The following GLDN variants were observed in gnomAD, a reference collection of about 807,000 sequenced individuals.
The protein encoded by GLDN is collomin.
GLDN carries 47 observed loss-of-function variants against 56.5 expected under a neutral mutation model. That is an observed-to-expected ratio of 0.83 (90% CI 0.66 to 1.06). The LOEUF is 1.06. Among genes scored for constraint, GLDN ranks in the 50% least tolerant of loss-of-function variants. The pLI is 0.00. For synonymous variants in GLDN, 332 were observed against 278.8 expected (o/e 1.19, Z -1.90); for missense variants, 782 against 714.3 (o/e 1.09, Z -1.08).
intron 1 of GLDN, among the ~76,000 whole-genome samples, chr15:51,347,835 C>T (rs1025353032): frequency 6.6e-6 from 1 of 152,156 alleles, no homozygotes; most frequent in Non-Finnish European, 1.5e-5. Flanking sequence ...TATACACCCA[C>T]TGGAATACTA....
intron 1 of GLDN, among the ~76,000 whole-genome samples, chr15:51,359,180 T>G (rs1203078381): frequency 2.6e-5 from 4 of 152,168 alleles, no homozygotes; most frequent in Non-Finnish European, 5.9e-5. Context: ...GGAGGAGACT[T>G]TGGCCCAGCA....
chr15:51,403,427 C>T (rs142449432), intron 9 of GLDN, among the ~76,000 whole-genome samples: 1,558 of 152,342 alleles, frequency 0.01, 13 homozygotes, highest in Middle Eastern at 0.037. Flanking sequence ...TCCACAGATG[C>T]ACACAGTTCA....
At chr15:51,409,091 G>GC (rs79286703), downstream of GLDN, among the ~76,000 whole-genome samples, 145,397 of 145,402 alleles carry the variant, frequency 1, 72,696 homozygotes, top group Middle Eastern at 1. Flanking sequence ...TGTTCTTATG[G>GC]CTTATCTAGG....
intron 4 of GLDN, among the ~76,000 whole-genome samples, chr15:51,386,196 C>A (rs899359129): frequency 1.3e-5 from 2 of 152,102 alleles, no homozygotes; most frequent in Non-Finnish European, 2.9e-5. Context: ...AGCATTAGAC[C>A]GCGAAGCCTC....
chr15:51,380,810 C>T (rs532863876), intron 2 of GLDN, among the ~76,000 whole-genome samples: 1 of 152,330 alleles, frequency 6.6e-6, no homozygotes, highest in East Asian at 1.9e-4. Flanking sequence ...ACTTTTTACT[C>T]TTGCCTTAAG....
chr15:51,344,340 G>A (rs2036939904), intron 1 of GLDN, among the ~76,000 whole-genome samples: 1 of 152,154 alleles, frequency 6.6e-6, no homozygotes, highest in African/African-American at 2.4e-5. Flanking sequence ...CCCCATCAAG[G>A]CCTTTGCTTC....
intron 1 of GLDN, 82 bp downstream of exon 1, chr15:51,342,129 C>G: frequency 8.6e-7 from 1 of 1,163,912 alleles, no homozygotes; most frequent in East Asian, 3.7e-5. Context: ...ACGCCCTCTT[C>G]TCCCCTGGCC....
At chr15:51,351,817 C>A (rs892973268) in intron 1 of GLDN, among the ~76,000 whole-genome samples, 1 of 152,168 alleles carries the variant, frequency 6.6e-6, no homozygotes, top group Non-Finnish European at 1.5e-5. Flanking sequence ...GGATTCATAT[C>A]CTGGACCCAC....
chr15:51,406,489 A>G lies in GLDN; in HGVS notation c.*1735A>G, dbSNP rs976293337. Reference sequence around the variant, plus strand: ...CATTCTCAATGGCCCTGAGTTCAATATATTATTAACAGCAGTATTTTAAAA... The same window carrying G: ...CATTCTCAATGGCCCTGAGTTCAATGTATTATTAACAGCAGTATTTTAAAA... On this transcript the variant is annotated 3_prime_UTR_variant, in exon 10 of 10. Transcript: ENST00000335449. The G allele has an allele frequency of 2.0e-5, 3 of 152,160 alleles. No homozygotes were observed. Among genetic ancestry groups the G allele is most frequent in the Non-Finnish European group, 4.4e-5 (3 of 68,028 alleles). 9.4% of individuals were successfully genotyped at this position (152,160 alleles called of 1,614,324 possible).
chr15:51,403,137 G>A (rs1348794814), intron 9 of GLDN, among the ~76,000 whole-genome samples: 2 of 152,202 alleles, frequency 1.3e-5, no homozygotes, highest in Non-Finnish European at 2.9e-5. Context: ...CAGTGGTTAG[G>A]AGGCTGTACT....
intron 1 of GLDN, among the ~76,000 whole-genome samples, chr15:51,372,906 T>C (rs889947460): frequency 1.3e-5 from 2 of 152,160 alleles, no homozygotes; most frequent in African/African-American, 4.8e-5. Flanking sequence ...GGTACCAGAA[T>C]CTAGTGAGGG....
chr15:51,404,077 G>A (rs2141137995), intron 9 of GLDN, among the ~76,000 whole-genome samples, 200 bp from the exon 10 acceptor site: 1 of 152,234 alleles, frequency 6.6e-6, no homozygotes, highest in Non-Finnish European at 1.5e-5. Flanking sequence ...AGCACAGCCA[G>A]TCATTGTCTC....
downstream of GLDN, among the ~76,000 whole-genome samples, chr15:51,408,251 C>T (rs1256150716): frequency 6.6e-6 from 1 of 152,158 alleles, no homozygotes; most frequent in Non-Finnish European, 1.5e-5. Context: ...TAAATGCAAT[C>T]AAGCTTTGCC....
intron 1 of GLDN, among the ~76,000 whole-genome samples, chr15:51,347,555 A>G (rs1321712652): frequency 6.6e-6 from 1 of 152,230 alleles, no homozygotes; most frequent in Admixed American, 6.5e-5. Context: ...AGACAAAACT[A>G]CAAAAGTTTG....
chr15:51,349,818 C>T (rs1038144967), intron 1 of GLDN, among the ~76,000 whole-genome samples: 31 of 151,806 alleles, frequency 2.0e-4, no homozygotes, highest in African/African-American at 7.3e-4. Flanking sequence ...TGGCTCACTG[C>T]AACCTCTGCC....
chr15:51,345,750 C>T (rs1384619535), intron 1 of GLDN, among the ~76,000 whole-genome samples: 4 of 152,046 alleles, frequency 2.6e-5, no homozygotes, highest in African/African-American at 9.7e-5. Flanking sequence ...GGAGGACCAG[C>T]CAGAGCAACA....
intron 1 of GLDN, among the ~76,000 whole-genome samples, chr15:51,353,441 C>A (rs536432550): frequency 6.6e-6 from 1 of 152,126 alleles, no homozygotes; most frequent in African/African-American, 2.4e-5. Flanking sequence ...TATGCCTCTG[C>A]GTGACCACTG....
intron 5 of GLDN, 89 bp from the exon 6 acceptor site, chr15:51,397,381 T>C (rs2038153833): frequency 8.7e-6 from 2 of 230,862 alleles, no homozygotes; most frequent in Non-Finnish European, 1.6e-5. Context: ...CTCCTTTCTC[T>C]CTTCTTCTCT....
chr15:51,374,024 C>G (rs2141082931), intron 1 of GLDN, among the ~76,000 whole-genome samples: 1 of 152,268 alleles, frequency 6.6e-6, no homozygotes, highest in Admixed American at 6.5e-5. Context: ...TCAATACAAT[C>G]TTATATACAC....
Sources: gnomAD v4.1 joint callset for allele counts (sites outside exome capture counted in the v4.1 genomes callset) on GRCh38, gnomAD v4.1.1 for gene constraint, MANE v1.5 for transcripts, NCBI Gene and HGNC (gene_info 2026-07-23, HGNC 2026-07-21) for gene names.